Variants in MID1 observed in about 807,000 individuals in gnomAD.
MID1 encodes midline 1.
A neutral mutation model predicts 40.4 loss-of-function variants in MID1; 7 were observed. The observed-to-expected ratio is 0.17, with a 90% CI of 0.10 to 0.33. The LOEUF (loss-of-function observed/expected upper bound fraction) is 0.33, where lower values mean the gene tolerates loss of function less well. Ranked by LOEUF, MID1 falls within the 10% of genes least tolerant of loss-of-function variation. The pLI, the probability that MID1 is intolerant of heterozygous loss-of-function variation, is 1.00. For synonymous variants in MID1, 229 were observed against 221.2 expected, an observed-to-expected ratio of 1.04 and a Z score of -0.31; for missense variants, 367 against 558.5, an observed-to-expected ratio of 0.66 and a Z score of 3.46.
chrX:10,501,309 C>T (rs1480098507), intron 3 of MID1: 2 of 819,263 alleles, frequency 2.4e-6, no homozygotes, highest in African/African-American at 4.1e-5. Flanking sequence ...ACCTCAAGTA[C>T]ACTCATGAGC....
At chrX:10,749,177 A>G (rs1009694585) in intron 1 of MID1, among the ~76,000 whole-genome samples, 4 of 110,839 alleles carry the variant, frequency 3.6e-5, no homozygotes, top group African/African-American at 1.3e-4. Context: ...CAAGACCTAA[A>G]AGAGTTTTGT....
chrX:10,521,279 C>A (rs758758100), intron 3 of MID1, among the ~76,000 whole-genome samples: 2 of 110,834 alleles, frequency 1.8e-5, no homozygotes, highest in South Asian at 8.0e-4. Flanking sequence ...TTGGGGATTA[C>A]AATTCGACAT....
intron 1 of MID1, among the ~76,000 whole-genome samples, chrX:10,819,080 T>C (rs2044157270): frequency 9.0e-6 from 1 of 111,546 alleles, no homozygotes; most frequent in South Asian, 3.8e-4. Context: ...CATATATACA[T>C]TGATTTTATT....
intron 1 of MID1, among the ~76,000 whole-genome samples, chrX:10,735,264 A>G (rs73480988): frequency 0.097 from 10,806 of 111,136 alleles, 1,258 homozygotes; most frequent in African/African-American, 0.33. Flanking sequence ...CACTATGTCC[A>G]GCTAATTTTG....
intron 3 of MID1, among the ~76,000 whole-genome samples, chrX:10,516,241 C>T (rs1183069425): frequency 3.1e-5 from 3 of 96,876 alleles, no homozygotes; most frequent in African/African-American, 1.2e-4. Flanking sequence ...GTCCCCCAGG[C>T]TGGAGTGCAG....
At chrX:10,498,279 A>C (rs1931365524) in intron 3 of MID1, among the ~76,000 whole-genome samples, 2 of 111,778 alleles carry the variant, frequency 1.8e-5, no homozygotes, top group African/African-American at 6.5e-5. Context: ...AAATTTTTTT[A>C]AAATGTATTT....
At chrX:10,516,750 G>A (rs1047635213) in intron 3 of MID1, among the ~76,000 whole-genome samples, 3 of 110,574 alleles carry the variant, frequency 2.7e-5, no homozygotes, top group Non-Finnish European at 5.7e-5. Flanking sequence ...TTTGTTACTG[G>A]GATTACAGGC....
chrX:10,573,711 A>G (rs1350335899), intron 1 of MID1, among the ~76,000 whole-genome samples: 1 of 112,149 alleles, frequency 8.9e-6, no homozygotes, highest in Non-Finnish European at 1.9e-5. Flanking sequence ...CTGATGGTCT[A>G]TGGTTCCTTT....
chrX:10,482,835 G>A (rs745444804), intron 4 of MID1, among the ~76,000 whole-genome samples: 2 of 112,392 alleles, frequency 1.8e-5, no homozygotes, highest in East Asian at 5.6e-4. Flanking sequence ...TTGCTAATTC[G>A]TTTTACGAGG....
In MID1 at chrX:10,667,506, T is replaced by C. The variant is rs757228677; in HGVS notation, c.-186-47087A>G. Among the ~76,000 whole-genome samples the C allele has an allele frequency of 2.7e-5, 3 of 111,811 alleles. No homozygotes were observed. In the South Asian group the frequency reaches 1.1e-3, roughly 42 times the overall value. ...TAATAATGGGATTTGTATTTTAGGA[T>C]GTTTAATTATGGAAATATATGTCTG... On this transcript the variant is annotated intron_variant, in intron 1 of 10. Coordinates refer to the MID1 transcript ENST00000380785.
chrX:10,595,693 T>C lies in MID1; in HGVS notation c.-57+24597A>G, dbSNP rs180900866. On this transcript the variant is annotated intron_variant, in intron 1 of 9. Transcript: ENST00000317552. ...GGGGGAAGGGAGGAACGGGTAGAGA[T>C]TGGTCAATAGGTACACAAAGTTAGA... 4.5e-5 allele frequency among the ~76,000 whole-genome samples: 5 copies of C among 111,420 alleles called. No homozygotes were observed. In the East Asian group the frequency reaches 8.5e-4, roughly 19 times the overall value.
intron 1 of MID1, among the ~76,000 whole-genome samples, chrX:10,720,432 A>C (rs1406341301): frequency 2.7e-5 from 3 of 112,562 alleles, no homozygotes; most frequent in African/African-American, 9.7e-5. Flanking sequence ...ATGCAGCCAA[A>C]AGACACATGA....
rs778761196 is a variant in MID1 at position 10,674,553 on chromosome X, G to A, written c.-186-54134C>T. On this transcript the variant is annotated intron_variant, in intron 1 of 10. Coordinates refer to the MID1 transcript ENST00000380785. ...AGTGAAAAATGGCCAAAGTATTTCA[G>A]AAGATCAACCTGGAAAGAAAATCAA... 8.9e-5 allele frequency among the ~76,000 whole-genome samples: 10 copies of A among 112,352 alleles called. No homozygotes were observed. The South Asian group carries it at 3.3e-3, about 37-fold the overall frequency.
At chrX:10,759,300 G>C (rs2043658436) in intron 1 of MID1, among the ~76,000 whole-genome samples, 1 of 111,845 alleles carries the variant, frequency 8.9e-6, no homozygotes, top group Non-Finnish European at 1.9e-5. Context: ...TGGCGACGCA[G>C]GGCTGAGGCA....
chrX:10,731,473 G>C (rs1247261931), intron 1 of MID1, among the ~76,000 whole-genome samples: 1 of 111,942 alleles, frequency 8.9e-6, no homozygotes, highest in Non-Finnish European at 1.9e-5. Context: ...ATGAATATCG[G>C]CAGAAACAAA....
intron 1 of MID1, among the ~76,000 whole-genome samples, chrX:10,752,378 C>T (rs1459487678): frequency 1.8e-5 from 2 of 112,086 alleles, no homozygotes; most frequent in African/African-American, 6.5e-5. Flanking sequence ...TACTTCGAAT[C>T]CTACTCAATT....
chrX:10,577,368 C>T (rs924270145), intron 1 of MID1, among the ~76,000 whole-genome samples: 5 of 111,754 alleles, frequency 4.5e-5, no homozygotes, highest in Non-Finnish European at 9.4e-5. Flanking sequence ...GCTCTGCATG[C>T]TGGCTTGTTC....
At chrX:10,613,362 G>A (rs1351257592) in intron 1 of MID1, among the ~76,000 whole-genome samples, 2 of 109,996 alleles carry the variant, frequency 1.8e-5, no homozygotes, top group Non-Finnish European at 1.9e-5. Context: ...TGCTTTGTCC[G>A]GCACAAATCT....
intron 1 of MID1, among the ~76,000 whole-genome samples, chrX:10,817,135 C>T (rs1490466866): frequency 8.9e-6 from 1 of 112,138 alleles, no homozygotes; most frequent in Non-Finnish European, 1.9e-5. Context: ...GACAAATAAG[C>T]ACCTTTGAAG....
Sources: gnomAD v4.1 joint callset for allele counts (sites outside exome capture counted in the v4.1 genomes callset) on GRCh38, gnomAD v4.1.1 for gene constraint, MANE v1.5 for transcripts, NCBI Gene and HGNC (gene_info 2026-07-23, HGNC 2026-07-21) for gene names.